The following ZNF597 variants were observed in gnomAD, a reference collection of about 807,000 sequenced individuals.
ZNF597 encodes the protein zinc finger protein 597.
A neutral mutation model predicts 7.3 loss-of-function variants in ZNF597; 5 were observed. The observed-to-expected ratio is 0.68, with a 90% CI of 0.36 to 1.44. The LOEUF is 1.44. Among genes scored for constraint, ZNF597 ranks in the 40% most tolerant of loss-of-function variants. ZNF597 has a pLI of 0.04. For synonymous variants in ZNF597, 209 were observed against 185.4 expected, an observed-to-expected ratio of 1.13 and a Z score of -1.04; for missense variants, 585 against 517.9, an observed-to-expected ratio of 1.13 and a Z score of -1.26.
Position 3,437,227 on chromosome 16 carries a change from AT to A in ZNF597, c.471del (p.Lys157AsnfsTer15). ...CTGAAGTTTTGGTCACACTCAGGAC[AT>A]TTGTACACATTTTTGGCTCCTTCCC... ...SPWEGAKNVY[K>X]CPECDQNFSD... On this transcript the variant is annotated frameshift_variant, in exon 4 of 4. Coordinates refer to ENST00000301744, the MANE Select transcript of ZNF597 (RefSeq NM_152457.3). LOFTEE classifies it low-confidence loss of function (END_TRUNC). 3 of 1,614,226 alleles carry A rather than the reference AT, an allele frequency of 1.9e-6. No individual in the cohort carries two copies. The highest frequency in any genetic ancestry group is 1.7e-6 in the Non-Finnish European group (2 of 1,180,040).
chr16:3,441,855 C>G (rs1240182606), intron 2 of ZNF597, among the ~76,000 whole-genome samples: 2 of 151,672 alleles, frequency 1.3e-5, no homozygotes, highest in African/African-American at 4.8e-5. Context: ...TGGCATGCGC[C>G]TGTAGTCCCA....
At position 3,433,979 on chromosome 16, in the gene ZNF597, A is replaced by C. The variant is rs1043364200; in HGVS notation, c.*2445T>G. 13 of 80,062 alleles carry C rather than the reference A, an allele frequency of 1.6e-4. No individual in the cohort carries two copies. Among genetic ancestry groups the C allele is most frequent in the African/African-American group, 9.4e-4 (13 of 13,800 alleles). 5.0% of individuals were successfully genotyped at this position (80,062 alleles called of 1,614,324 possible). On this transcript the variant is annotated 3_prime_UTR_variant, in exon 4 of 4. Coordinates refer to ENST00000301744, the MANE Select transcript of ZNF597 (RefSeq NM_152457.3). ...CTTCCAAAATCTGGAGAAAACTGCA[A>C]AAAAAAAAATTAGAGGTTAATTGTG...
At chr16:3,443,272 G>A (rs990202364) in intron 1 of ZNF597, 66 bp from the exon 2 acceptor site, 3 of 1,032,420 alleles carry the variant, frequency 2.9e-6, no homozygotes, top group Non-Finnish European at 4.2e-6. Flanking sequence ...ACTACCCCTA[G>A]CCTCCCTCGA....
intron 3 of ZNF597, 45 bp downstream of exon 3, chr16:3,440,762 T>G: frequency 6.2e-7 from 1 of 1,609,536 alleles, no homozygotes; most frequent in Non-Finnish European, 8.5e-7. Context: ...GTTCTCCTCC[T>G]AGAATTGACA....
chr16:3,436,690 T>G lies in ZNF597; in HGVS notation c.1009A>C (p.Lys337Gln), dbSNP rs748201248. ...TCAGGACACTGTAAGGGCTTGAATT[T>G]TGAGAATGAGAAGAAATTGTCCCCA... ...DDGDNFFSFS[K>Q]FKPLQCPDCD... Residue 337 changes from lysine to glutamine, a missense_variant, in exon 4 of 4, where the codon AAA becomes CAA. Lys to Gln is a moderately conservative substitution (Grantham distance 53, BLOSUM62 1). Transcript: ENST00000301744. 6.2e-7 allele frequency: 1 copy of G among 1,614,020 alleles called. No individual in the cohort carries two copies. Among genetic ancestry groups the G allele is most frequent in the Non-Finnish European group, 8.5e-7 (1 of 1,179,964 alleles).
chr16:3,442,164 G>C (rs1242119155), intron 2 of ZNF597, among the ~76,000 whole-genome samples: 1 of 152,152 alleles, frequency 6.6e-6, no homozygotes, highest in African/African-American at 2.4e-5. Flanking sequence ...CTAACGGTGT[G>C]ATAAATTAAT....
chr16:3,442,674 CA>C (rs60660497), intron 2 of ZNF597, among the ~76,000 whole-genome samples: 113,321 of 135,366 alleles, frequency 0.84, 47,041 homozygotes, highest in South Asian at 0.89. Context: ...GACTCTGTAT[CA>C]AAAAAAAAAA....
In ZNF597 at chr16:3,432,735, T is replaced by C. The variant is rs534734851; in HGVS notation, c.*3689A>G. On this transcript the variant is annotated 3_prime_UTR_variant, in exon 4 of 4. Transcript: ENST00000301744. The stretch of plus-strand genomic sequence containing the variant: ...ACTACTTAGATGGGCCTTGGAAAGA[T>C]GGGTAATGGTTATCTTTGAATCAGA... 4 of 152,324 alleles carry C rather than the reference T, an allele frequency of 2.6e-5. No homozygotes were observed. Among genetic ancestry groups the C allele is most frequent in the African/African-American group, 9.6e-5 (4 of 41,562 alleles). 9.4% of individuals were successfully genotyped at this position (152,324 alleles called of 1,614,324 possible).
chr16:3,437,662 G>C, intron 3 of ZNF597, 124 bp from the exon 4 acceptor site: 4 of 1,384,380 alleles, frequency 2.9e-6, no homozygotes, highest in South Asian at 1.6e-5. Context: ...CTATAACCCA[G>C]ACACTAACCA....
chr16:3,442,438 G>A (rs1350769395), intron 2 of ZNF597, among the ~76,000 whole-genome samples: 1 of 152,152 alleles, frequency 6.6e-6, no homozygotes, highest in Non-Finnish European at 1.5e-5. Flanking sequence ...CACTTTGGGA[G>A]ACCGAGGCGG....
Position 3,432,417 on chromosome 16 carries a change from CCAT to C in ZNF597, c.*4004_*4006del, listed in dbSNP as rs2034264963. 1 of 152,074 alleles carries C rather than the reference CCAT, an allele frequency of 6.6e-6. No homozygotes were observed. Among genetic ancestry groups the C allele is most frequent in the South Asian group, 2.1e-4 (1 of 4,820 alleles). 9.4% of individuals were successfully genotyped at this position (152,074 alleles called of 1,614,324 possible). A position where few individuals can be genotyped will look rare whatever the true frequency, so the allele number is the denominator to read the frequency against. On this transcript the variant is annotated 3_prime_UTR_variant, in exon 4 of 4. Coordinates refer to ENST00000301744, the MANE Select transcript of ZNF597 (RefSeq NM_152457.3). Reference sequence around the variant, plus strand: ...TTTTTTTAAAAAGTTCACTTCATTGCCATCATCATAAAATAGCATTTAATAGAA... The same window carrying C: ...TTTTTTTAAAAAGTTCACTTCATTGCCATCATAAAATAGCATTTAATAGAA...
In ZNF597 at chr16:3,432,753, G is replaced by C. The variant is rs1359333663; in HGVS notation, c.*3671C>G. 1.3e-5 allele frequency: 2 copies of C among 152,172 alleles called. No homozygotes were observed. The highest frequency in any genetic ancestry group is 2.1e-4 in the South Asian group (1 of 4,834). 9.4% of individuals were successfully genotyped at this position (152,172 alleles called of 1,614,324 possible). On this transcript the variant is annotated 3_prime_UTR_variant, in exon 4 of 4. Coordinates refer to ENST00000301744, the MANE Select transcript of ZNF597 (RefSeq NM_152457.3). ...GGAAAGATGGGTAATGGTTATCTTTGAATCAGATCAATAGCTCTTCTAAAT... is the reference window on the plus strand; with the variant it reads ...GGAAAGATGGGTAATGGTTATCTTTCAATCAGATCAATAGCTCTTCTAAAT...
At chr16:3,439,147 G>A (rs544617927) in intron 3 of ZNF597, among the ~76,000 whole-genome samples, 8 of 152,280 alleles carry the variant, frequency 5.3e-5, no homozygotes, top group African/African-American at 1.7e-4. Context: ...GGGAGGCTGA[G>A]GTGGGAGAAT....
intron 3 of ZNF597, 94 bp downstream of exon 3, chr16:3,440,713 G>C: frequency 6.7e-7 from 1 of 1,483,996 alleles, no homozygotes; most frequent in South Asian, 1.3e-5. Flanking sequence ...TGAGGGACAG[G>C]TCCCACTCCA....
intron 3 of ZNF597, among the ~76,000 whole-genome samples, chr16:3,437,824 A>G (rs1258038407): frequency 6.6e-6 from 1 of 152,220 alleles, no homozygotes; most frequent in Non-Finnish European, 1.5e-5. Context: ...TCTAGAGGTG[A>G]ACTTTTCCAT....
At chr16:3,443,077 C>G (rs370519061) in intron 2 of ZNF597, 44 bp downstream of exon 2, 2 of 1,613,722 alleles carry the variant, frequency 1.2e-6, no homozygotes, top group Non-Finnish European at 1.7e-6. Context: ...AGGCAGAGAC[C>G]GAAAGCAGCA....
Position 3,437,601 on chromosome 16 carries a change from A to T in ZNF597, c.161-63T>A. ...TATCTTCAAGGGATACTGGGGAAAA[A>T]GTAAGCTAAGGTAGTTACAAACAGG... On this transcript the variant is annotated intron_variant, in intron 3 of 3. Transcript: ENST00000301744. 7 of 1,510,010 alleles carry T rather than the reference A, an allele frequency of 4.6e-6. No homozygotes were observed. The South Asian group carries it at 9.5e-5, about 20-fold the overall frequency. 93.5% of individuals were successfully genotyped at this position (1,510,010 alleles called of 1,614,324 possible).
At chr16:3,439,741 T>C (rs1044192559) in intron 3 of ZNF597, among the ~76,000 whole-genome samples, 2 of 151,418 alleles carry the variant, frequency 1.3e-5, no homozygotes, top group Non-Finnish European at 1.5e-5. Context: ...TCCAACAACA[T>C]AAAATTCTTA....
At chr16:3,438,542 G>A (rs2034329639) in intron 3 of ZNF597, among the ~76,000 whole-genome samples, 1 of 151,298 alleles carries the variant, frequency 6.6e-6, no homozygotes, top group South Asian at 2.1e-4. Context: ...CAGCCTGGGC[G>A]ACAGAGCAAG....
Sources: gnomAD v4.1 joint callset for allele counts (sites outside exome capture counted in the v4.1 genomes callset) on GRCh38, gnomAD v4.1.1 for gene constraint, MANE v1.5 for transcripts, NCBI Gene and HGNC (gene_info 2026-07-23, HGNC 2026-07-21) for gene names.